Variants in POFUT2 observed in about 807,000 individuals in gnomAD.
POFUT2 encodes the protein protein O-fucosyltransferase 2, also known as GDP-fucose protein O-fucosyltransferase 2.
A neutral mutation model predicts 55.0 loss-of-function variants in POFUT2; 30 were observed. The observed-to-expected ratio is 0.55, with a 90% CI of 0.41 to 0.74. The LOEUF (loss-of-function observed/expected upper bound fraction) is 0.74. POFUT2 is among the 30% of genes least tolerant of loss of function. The pLI, the probability that POFUT2 is intolerant of heterozygous loss-of-function variation, is 0.00. For missense variants in POFUT2, 524 were observed against 562.6 expected (o/e 0.93, Z 0.69); for synonymous variants, 267 against 231.1 (o/e 1.16, Z -1.41).
rs991061047 is a variant in POFUT2, at chr21:45,264,212, C to T, written c.*1270G>A. The T allele has an allele frequency of 5.2e-5, 6 of 114,720 alleles. No individual in the cohort carries two copies. The highest frequency in any genetic ancestry group is 4.7e-4 in the Admixed American group (6 of 12,858). 7.1% of individuals were successfully genotyped at this position (114,720 alleles called of 1,614,324 possible). On this transcript the variant is annotated 3_prime_UTR_variant, in exon 9 of 9. Coordinates refer to ENST00000349485, the MANE Select transcript of POFUT2 (RefSeq NM_133635.6). ...CTCCGAAAGGAAGAGCTGTCTGTCC[C>T]TCCTAACTGTCCTCTCTCTGTCACA...
At chr21:45,280,251 T>C (rs887540378) in intron 4 of POFUT2, among the ~76,000 whole-genome samples, 2 of 152,218 alleles carry the variant, frequency 1.3e-5, no homozygotes, top group African/African-American at 4.8e-5. Flanking sequence ...GGGACTGTCT[T>C]TGACCTTCAT....
In POFUT2 at chr21:45,265,341, G is replaced by C; in HGVS notation, c.*141C>G. 1.5e-6 allele frequency: 1 copy of C among 674,450 alleles called. No homozygotes were observed. The highest frequency in any genetic ancestry group is 2.4e-6 in the Non-Finnish European group (1 of 413,580). 41.8% of individuals were successfully genotyped at this position (674,450 alleles called of 1,614,324 possible). On this transcript the variant is annotated 3_prime_UTR_variant, in exon 9 of 9. Transcript: ENST00000349485. This position sits in a 1 kb window ranked among gnomAD's most constrained non-coding sequence, Gnocchi z 4.6. Reference sequence around the variant, plus strand: ...CGGAGCCCAGCTCTAGAGGCGTGGGGCCTCTTCTGGGCCTGGGACCCTGCG... The same window carrying C: ...CGGAGCCCAGCTCTAGAGGCGTGGGCCCTCTTCTGGGCCTGGGACCCTGCG...
At chr21:45,276,540 G>A (rs2093265790) in intron 6 of POFUT2, among the ~76,000 whole-genome samples, 1 of 152,242 alleles carries the variant, frequency 6.6e-6, no homozygotes, top group Non-Finnish European at 1.5e-5. Context: ...CAAACTTTCA[G>A]AAAACACTTA....
Position 45,287,878 on chromosome 21 carries a change from GGGCGGCCACGCACTTCC to G in POFUT2, c.-24_-8del. ...CGAAGCTGAGTGTCGCCATGGCCCC[GGGCGGCCACGCACTTCC>G]GGCGGCCGCGCCCCGCCCCGGAACC... On this transcript the variant is annotated 5_prime_UTR_variant, in exon 1 of 9. Transcript: ENST00000349485. 2 of 1,334,874 alleles carry G rather than the reference GGGCGGCCACGCACTTCC, an allele frequency of 1.5e-6. No individual in the cohort carries two copies. Among genetic ancestry groups the G allele is most frequent in the Non-Finnish European group, 1.9e-6 (2 of 1,035,094 alleles). 82.7% of individuals were successfully genotyped at this position (1,334,874 alleles called of 1,614,324 possible).
rs773494506 is a variant in POFUT2, at chr21:45,287,895, C to A, written c.-24G>T. ...ATGGCCCCGGGCGGCCACGCACTTC[C>A]GGCGGCCGCGCCCCGCCCCGGAACC... On this transcript the variant is annotated 5_prime_UTR_variant, in exon 1 of 9. Transcript: ENST00000349485. 1 of 1,300,786 alleles carries A rather than the reference C, an allele frequency of 7.7e-7. No individual in the cohort carries two copies. The highest frequency in any genetic ancestry group is 2.1e-5 in the South Asian group (1 of 47,386). 80.6% of individuals were successfully genotyped at this position (1,300,786 alleles called of 1,614,324 possible).
rs780133204 is a variant in POFUT2, at chr21:45,267,559, G to A, written c.1136+31C>T. On this transcript the variant is annotated intron_variant, in intron 8 of 8. Transcript: ENST00000349485. The surrounding 1 kb of genome is among the most constrained non-coding windows in gnomAD (Gnocchi z 4.4). ...AGAACCTTTGAAAGCCACCCGACCC[G>A]CTCTCGGCCGACAGTGACGTGGGCA... 8.7e-6 allele frequency: 14 copies of A among 1,614,178 alleles called. No homozygotes were observed. Among genetic ancestry groups the A allele is most frequent in the African/African-American group, 1.3e-5 (1 of 75,072 alleles).
Position 45,277,331 on chromosome 21 carries a change from G to A in POFUT2, c.706-189C>T. The A allele has an allele frequency of 4.1e-6, 3 of 736,280 alleles. No homozygotes were observed. In the South Asian group the frequency reaches 5.6e-5, roughly 14 times the overall value. 45.6% of individuals were successfully genotyped at this position (736,280 alleles called of 1,614,324 possible). ...GCTCTTGGAGGGTCTCCTGCATGAA[G>A]CCAACGCAGGGCAAGCCGCCCACCC... is the stretch of plus-strand genomic sequence containing the variant. On this transcript the variant is annotated intron_variant, in intron 5 of 8. Coordinates refer to ENST00000349485, the MANE Select transcript of POFUT2 (RefSeq NM_133635.6). This position sits in a 1 kb window ranked among gnomAD's most constrained non-coding sequence, Gnocchi z 6.9.
chr21:45,271,936 T>C (rs2093222547), intron 6 of POFUT2, among the ~76,000 whole-genome samples: 1 of 151,968 alleles, frequency 6.6e-6, no homozygotes, highest in Admixed American at 6.5e-5. Flanking sequence ...TACGCCAAAA[T>C]AGAACCTTCT....
chr21:45,270,856 C>T lies in POFUT2; in HGVS notation c.832-837G>A, dbSNP rs191332866. On this transcript the variant is annotated intron_variant, in intron 6 of 8. Coordinates refer to ENST00000349485, the MANE Select transcript of POFUT2 (RefSeq NM_133635.6). The surrounding 1 kb of genome is among the most constrained non-coding windows in gnomAD (Gnocchi z 4.6). ...CCCATCCCTAGGGGAAGGCGAAGAG[C>T]GCCACAGAGCACCCCGTGGGATAAA... Among the ~76,000 whole-genome samples the T allele has an allele frequency of 2.2e-3, 336 of 152,362 alleles. 1 individual carries two copies. Among genetic ancestry groups the T allele is most frequent in the Non-Finnish European group, 3.9e-3 (268 of 68,046 alleles).
chr21:45,267,616 A>G lies in POFUT2; in HGVS notation c.1110T>C (p.Ile370=). ...ELYKDGGVAI[I]DQWICAHARF... ...TGGCGTGTGCGCAGATCCACTGGTCAATAATCGCAACGCCTCCGTCCTTGT... is the reference window on the plus strand; with the variant it reads ...TGGCGTGTGCGCAGATCCACTGGTCGATAATCGCAACGCCTCCGTCCTTGT... Residue 370 remains isoleucine (I), a synonymous_variant, in exon 8 of 9, where the codon ATT becomes ATC. Transcript: ENST00000349485. This position sits in a 1 kb window ranked among gnomAD's most constrained non-coding sequence, Gnocchi z 4.4. 1 of 1,614,212 alleles carries G rather than the reference A, an allele frequency of 6.2e-7. No homozygotes were observed. Among genetic ancestry groups the G allele is most frequent in the African/African-American group, 1.3e-5 (1 of 75,064 alleles).
intron 6 of POFUT2, among the ~76,000 whole-genome samples, chr21:45,275,927 G>C (rs888001677): frequency 6.6e-6 from 1 of 152,096 alleles, no homozygotes; most frequent in Non-Finnish European, 1.5e-5. Flanking sequence ...AGTGGCTCAC[G>C]CCTGTAATCC....
intron 4 of POFUT2, among the ~76,000 whole-genome samples, chr21:45,280,636 G>A (rs569118983): frequency 1.3e-5 from 2 of 152,296 alleles, no homozygotes; most frequent in African/African-American, 2.4e-5. Flanking sequence ...CTCCTGAATC[G>A]CATGGATCCT....
At position 45,278,085 on chromosome 21, in the gene POFUT2, T is replaced by C; in HGVS notation, c.705+18A>G. On this transcript the variant is annotated intron_variant, in intron 5 of 8. Coordinates refer to ENST00000349485, the MANE Select transcript of POFUT2 (RefSeq NM_133635.6). ...AACATACACTAACTGAGAAAAACGC[T>C]CCCGAGGAAACACTCACATCCCAGT... 1 of 1,605,560 alleles carries C rather than the reference T, an allele frequency of 6.2e-7. No individual in the cohort carries two copies. The highest frequency in any genetic ancestry group is 8.5e-7 in the Non-Finnish European group (1 of 1,172,204).
intron 1 of POFUT2, 65 bp downstream of exon 1, chr21:45,287,676 C>CCA: frequency 6.2e-5 from 73 of 1,181,060 alleles, no homozygotes; most frequent in Non-Finnish European, 7.1e-5. Context: ...GCCCCGCCCC[C>CCA]ATCCCATCCT....
chr21:45,279,218 C>T (rs1051381164), intron 4 of POFUT2, among the ~76,000 whole-genome samples: 18 of 152,116 alleles, frequency 1.2e-4, no homozygotes, highest in African/African-American at 2.2e-4. Flanking sequence ...GGTGAAACCC[C>T]GTCTCTACTA....
chr21:45,280,281 A>G (rs1262218018), intron 4 of POFUT2, among the ~76,000 whole-genome samples: 1 of 151,724 alleles, frequency 6.6e-6, no homozygotes, highest in African/African-American at 2.4e-5. Context: ...ACATGACTAC[A>G]TTTATCTTTT....
At position 45,283,313 on chromosome 21, in the gene POFUT2, G is replaced by C. The variant is rs562311004; in HGVS notation, c.527+70C>G. The stretch of plus-strand genomic sequence containing the variant: ...TGGGCGGGGGGCGCCTGAGGCGGGG[G>C]GGGGGGGACGCATGCGGCAGGGGGA... On this transcript the variant is annotated intron_variant, in intron 3 of 8. Coordinates refer to ENST00000349485, the MANE Select transcript of POFUT2 (RefSeq NM_133635.6). 1.0e-5 allele frequency: 8 copies of C among 792,264 alleles called. 1 individual carries two copies. The highest frequency in any genetic ancestry group is 7.9e-5 in the East Asian group (2 of 25,442). 49.1% of individuals were successfully genotyped at this position (792,264 alleles called of 1,614,324 possible).
In POFUT2 at chr21:45,282,424, A is replaced by G. The variant is rs371609585; in HGVS notation, c.563T>C (p.Leu188Pro). 2.4e-5 allele frequency: 39 copies of G among 1,612,538 alleles called. No individual in the cohort carries two copies. Among genetic ancestry groups the G allele is most frequent in the Non-Finnish European group, 3.2e-5 (38 of 1,178,948 alleles). The change falls in exon 4 of 9, where the codon CTA becomes CCA. Residue 188 changes from leucine to proline, a missense_variant. Leu to Pro is a moderately conservative substitution (Grantham distance 98). This residue lies in a region of POFUT2 where 274 missense variants were observed against 244.4 expected (regional missense o/e 1.12). Transcript: ENST00000349485. The surrounding 1 kb of genome is among the most constrained non-coding windows in gnomAD (Gnocchi z 4.6). The stretch of plus-strand genomic sequence containing the variant: ...CTGGACGGACAGACAGGAGACGTTT[A>G]GACCCCTGGTCTCCTCATAACCCCA... ...WFWGYEETRG[L>P]NVSCLSVQGS... is the part of the protein sequence containing the mutation.
chr21:45,266,107 G>T, intron 8 of POFUT2: 1 of 1,350,058 alleles, frequency 7.4e-7, no homozygotes. Flanking sequence ...CCACACACAC[G>T]CTGTATGGGC....
Sources: allele counts gnomAD v4.1 joint callset (sites outside exome capture counted in the v4.1 genomes callset), GRCh38; gene constraint gnomAD v4.1.1; regional missense constraint gnomAD v4.1.1; non-coding constraint Gnocchi (gnomAD v3.1); transcripts MANE v1.5; gene names NCBI Gene and HGNC (gene_info 2026-07-23, HGNC 2026-07-21).